ELOVL6: variants seen among roughly 807,000 people sequenced by gnomAD.
ELOVL6 encodes the protein ELOVL fatty acid elongase 6, also known as very long chain fatty acid elongase 6.
ELOVL6 carries 8 observed loss-of-function variants against 31.7 expected under a neutral mutation model. The ratio of observed to expected loss-of-function variants is 0.25; its 90% confidence interval spans 0.15 to 0.45. The LOEUF is 0.45. Among genes scored for constraint, ELOVL6 ranks in the 20% least tolerant of loss-of-function variants. The probability of loss-of-function intolerance (pLI) is 1.00; values close to 1 mark genes in which losing one functional copy is unlikely to be tolerated. For missense variants in ELOVL6, 126 were observed against 326.4 expected (o/e 0.39, Z 4.73); for synonymous variants, 101 against 117.7 (o/e 0.86, Z 0.92).
chr4:110,158,657 A>ATATATATATATATTT, intron 1 of ELOVL6, among the ~76,000 whole-genome samples: 8 of 74,160 alleles, frequency 1.1e-4, no homozygotes, highest in African/African-American at 5.0e-4. Context: ...ATATATATAT[A>ATATATATATATATTT]TTTTTTTTTT....
chr4:110,080,342 A>G (rs1429518247), intron 2 of ELOVL6, among the ~76,000 whole-genome samples: 3 of 152,248 alleles, frequency 2.0e-5, no homozygotes, highest in Non-Finnish European at 2.9e-5. Flanking sequence ...AAAATCCTCA[A>G]TAAAATACTG....
At chr4:110,174,232 C>T (rs1345893947) in intron 1 of ELOVL6, among the ~76,000 whole-genome samples, 5 of 148,448 alleles carry the variant, frequency 3.4e-5, no homozygotes, top group Non-Finnish European at 7.4e-5. Context: ...GGCGTAATCT[C>T]GGCTCACTGC....
At chr4:110,177,884 T>C (rs1201488439) in intron 1 of ELOVL6, among the ~76,000 whole-genome samples, 1 of 152,184 alleles carries the variant, frequency 6.6e-6, no homozygotes, top group African/African-American at 2.4e-5. Context: ...CTGATGAGTA[T>C]TACCCAAAAA....
At chr4:110,066,637 CAAAAAAAAAAA>C (rs1209180349) in intron 2 of ELOVL6, among the ~76,000 whole-genome samples, 3 of 56,556 alleles carry the variant, frequency 5.3e-5, no homozygotes, top group Non-Finnish European at 1.2e-4. Context: ...TCTGTCTCAA[CAAAAAAAAAAA>C]AAAAAAAAAA....
At position 110,138,370 on chromosome 4, in the gene ELOVL6, C is replaced by T. The variant is rs1050691722; in HGVS notation, c.90-32742G>A. Among the ~76,000 whole-genome samples, 7 of 152,152 alleles carry T rather than the reference C, an allele frequency of 4.6e-5. No homozygotes were observed. The East Asian group carries it at 9.6e-4, about 21-fold the overall frequency. On this transcript the variant is annotated intron_variant, in intron 1 of 3. Transcript: ENST00000302274. ...GATCCTACGCTAGGTACTGGATACA[C>T]AGTACTGAACAAAATGGGTACAAAT... is the stretch of plus-strand genomic sequence containing the variant.
At chr4:110,141,569 G>A (rs1014393502) in intron 1 of ELOVL6, among the ~76,000 whole-genome samples, 32 of 151,794 alleles carry the variant, frequency 2.1e-4, no homozygotes, top group African/African-American at 6.0e-4. Context: ...AAAACCCACT[G>A]GGGAGGGGCG....
intron 1 of ELOVL6, among the ~76,000 whole-genome samples, chr4:110,180,633 A>C (rs1426486718): frequency 6.6e-6 from 1 of 152,204 alleles, no homozygotes; most frequent in Non-Finnish European, 1.5e-5. Context: ...AAACTCCTGG[A>C]ATCAAGCAAT....
intron 1 of ELOVL6, among the ~76,000 whole-genome samples, chr4:110,165,926 C>T (rs980533049): frequency 2.0e-5 from 3 of 152,114 alleles, no homozygotes; most frequent in African/African-American, 2.4e-5. Context: ...GTCTTTTCCA[C>T]GTAAGAAAAC....
intron 1 of ELOVL6, among the ~76,000 whole-genome samples, chr4:110,176,720 G>A (rs777324971): frequency 6.6e-6 from 1 of 152,270 alleles, no homozygotes. Flanking sequence ...CTCTCAAGGC[G>A]ATCACTCTCT....
chr4:110,084,200 GAT>G lies in ELOVL6; in HGVS notation c.221+21295_221+21296del, dbSNP rs1338789249. 1.1e-3 allele frequency among the ~76,000 whole-genome samples: 76 copies of G among 66,264 alleles called. 5 individuals are homozygous for G. The highest frequency in any genetic ancestry group is 2.7e-3 in the African/African-American group (36 of 13,580). 43.5% of individuals were successfully genotyped at this position (66,264 alleles called of 152,430 possible). ...GATATATATAACATATAACTTATATGATATATATAACATATAACTTATATGAT... is the reference window on the plus strand; with the variant it reads ...GATATATATAACATATAACTTATATGATATATAACATATAACTTATATGAT... On this transcript the variant is annotated intron_variant, in intron 2 of 3. Coordinates refer to ENST00000302274, the MANE Select transcript of ELOVL6 (RefSeq NM_024090.3).
intron 2 of ELOVL6, among the ~76,000 whole-genome samples, chr4:110,065,751 A>T (rs903025512): frequency 1.3e-5 from 2 of 152,220 alleles, no homozygotes; most frequent in African/African-American, 4.8e-5. Context: ...TCCATCTGTA[A>T]GTCAAAATGG....
chr4:110,185,765 C>G (rs1759418912), intron 1 of ELOVL6, among the ~76,000 whole-genome samples: 2 of 152,132 alleles, frequency 1.3e-5, no homozygotes, highest in Admixed American at 6.5e-5. Context: ...GTAGAAGAAC[C>G]TTTAATGAAA....
chr4:110,188,369 G>A (rs1759507686), intron 1 of ELOVL6, among the ~76,000 whole-genome samples: 1 of 152,124 alleles, frequency 6.6e-6, no homozygotes, highest in African/African-American at 2.4e-5. Context: ...AAGTTTTCAA[G>A]TGCATTGTTT....
At chr4:110,170,095 G>A (rs1013725707) in intron 1 of ELOVL6, among the ~76,000 whole-genome samples, 3 of 151,708 alleles carry the variant, frequency 2.0e-5, no homozygotes, top group African/African-American at 4.9e-5. Flanking sequence ...GATTATAGGC[G>A]TGAGCCACTG....
chr4:110,066,920 C>A (rs1032446370), intron 2 of ELOVL6, among the ~76,000 whole-genome samples: 17 of 152,104 alleles, frequency 1.1e-4, no homozygotes, highest in African/African-American at 4.1e-4. Context: ...TCCCCATTGC[C>A]CCCCACCCCC....
chr4:110,078,283 A>G (rs1755715458), intron 2 of ELOVL6, among the ~76,000 whole-genome samples: 1 of 152,168 alleles, frequency 6.6e-6, no homozygotes, highest in Non-Finnish European at 1.5e-5. Context: ...AAGACACATA[A>G]TTGTCAGATT....
At position 110,049,216 on chromosome 4, in the gene ELOVL6, T is replaced by G. The variant is rs2126217698; in HGVS notation, c.*2122A>C. ...TTTTGCATAATTTATAATACATTCC[T>G]CCATCAGTTGTGTCTCACCTATGAA... On this transcript the variant is annotated 3_prime_UTR_variant, in exon 4 of 4. Coordinates refer to ENST00000302274, the MANE Select transcript of ELOVL6 (RefSeq NM_024090.3). The G allele has an allele frequency of 6.6e-6, 1 of 152,352 alleles. No individual in the cohort carries two copies. The highest frequency in any genetic ancestry group is 3.4e-3 in the Middle Eastern group (1 of 294). 9.4% of individuals were successfully genotyped at this position (152,352 alleles called of 1,614,324 possible).
chr4:110,105,715 T>C (rs1005996571), intron 1 of ELOVL6, 87 bp from the exon 2 acceptor site: 1 of 1,234,946 alleles, frequency 8.1e-7, no homozygotes, highest in Non-Finnish European at 1.1e-6. Flanking sequence ...TTGTAAGCAC[T>C]GAAAAAATAT....
chr4:110,180,626 C>T (rs751649292), intron 1 of ELOVL6, among the ~76,000 whole-genome samples: 1 of 152,190 alleles, frequency 6.6e-6, no homozygotes, highest in African/African-American at 2.4e-5. Flanking sequence ...TGGTCTCAAA[C>T]TCCTGGAATC....
Sources: allele counts gnomAD v4.1 joint callset (sites outside exome capture counted in the v4.1 genomes callset), GRCh38; gene constraint gnomAD v4.1.1; transcripts MANE v1.5; gene names NCBI Gene and HGNC (gene_info 2026-07-23, HGNC 2026-07-21).